Variants in GRIN2D observed in about 807,000 individuals in gnomAD.
GRIN2D encodes the protein glutamate ionotropic receptor NMDA type subunit 2D.
Under a neutral mutation model 103.2 loss-of-function variants are expected in GRIN2D, and 37 were observed. That is an observed-to-expected ratio of 0.36 (90% CI 0.28 to 0.47). GRIN2D has a LOEUF of 0.47. Among genes scored for constraint, GRIN2D ranks in the 20% least tolerant of loss-of-function variants. GRIN2D has a pLI of 1.00. For synonymous variants in GRIN2D, 845 were observed against 885.6 expected (o/e 0.95, Z 0.81); for missense variants, 1,557 against 1,910.6 (o/e 0.81, Z 3.45).
intron 3 of GRIN2D, among the ~76,000 whole-genome samples, chr19:48,402,168 G>GAAAGAAAGAAAGAA (rs754486729): frequency 6.9e-6 from 1 of 145,908 alleles, no homozygotes; most frequent in South Asian, 2.2e-4. Flanking sequence ...AAGAAAGAAA[G>GAAAGAAAGAAAGAA]AGAGAAAAGA....
chr19:48,438,362 G>A (rs914109483), intron 11 of GRIN2D, among the ~76,000 whole-genome samples: 20 of 129,156 alleles, frequency 1.5e-4, no homozygotes, highest in African/African-American at 4.1e-4. Context: ...GTAGTGGTGC[G>A]ATCTCGGCTC....
intron 11 of GRIN2D, among the ~76,000 whole-genome samples, chr19:48,423,982 C>T (rs1162146168): frequency 1.3e-5 from 2 of 152,058 alleles, no homozygotes; most frequent in African/African-American, 2.4e-5. Context: ...CTATGCCTGG[C>T]TAATTTTTGT....
intron 4 of GRIN2D, among the ~76,000 whole-genome samples, chr19:48,412,284 G>A (rs1180390978): frequency 4.0e-5 from 6 of 150,450 alleles, no homozygotes; most frequent in South Asian, 2.1e-4. Context: ...AGCCAAGATC[G>A]CACCACTACA....
chr19:48,416,417 C>T (rs959571049), intron 8 of GRIN2D, among the ~76,000 whole-genome samples: 2 of 152,178 alleles, frequency 1.3e-5, no homozygotes, highest in African/African-American at 4.8e-5. Context: ...CTGCAGCTTC[C>T]AAGCCCTGCA....
intron 11 of GRIN2D, among the ~76,000 whole-genome samples, chr19:48,441,362 CAAAAAAAAAAA>C (rs1173219939): frequency 1.6e-5 from 2 of 127,328 alleles, no homozygotes; most frequent in Non-Finnish European, 3.2e-5. Flanking sequence ...GACTCTGTCT[CAAAAAAAAAAA>C]AAAAAAAAAA....
intron 8 of GRIN2D, among the ~76,000 whole-genome samples, chr19:48,417,074 G>A (rs1360269967): frequency 1.3e-5 from 2 of 151,946 alleles, no homozygotes; most frequent in African/African-American, 4.8e-5. Context: ...GATGGTGTGG[G>A]GATATATAAT....
At chr19:48,399,405 T>C (rs969208072) in intron 3 of GRIN2D, among the ~76,000 whole-genome samples, 1 of 152,062 alleles carries the variant, frequency 6.6e-6, no homozygotes, top group Non-Finnish European at 1.5e-5. Context: ...CCGTCTCTAC[T>C]AAATATACAA....
intron 11 of GRIN2D, 64 bp from the exon 12 acceptor site, chr19:48,441,705 C>T (rs894101809): frequency 7.2e-7 from 1 of 1,398,556 alleles, no homozygotes; most frequent in African/African-American, 1.4e-5. Flanking sequence ...TGAGGAGGTT[C>T]CAGGCCTGGC....
chr19:48,415,555 A>C (rs1352939657), intron 7 of GRIN2D, among the ~76,000 whole-genome samples: 1 of 93,174 alleles, frequency 1.1e-5, no homozygotes, highest in South Asian at 4.0e-4. Flanking sequence ...AGGCGGGGCT[A>C]GGAGGGTGGG....
chr19:48,421,822 T>C lies in GRIN2D; in HGVS notation c.2129T>C (p.Phe710Ser). 1 of 1,614,046 alleles carries C rather than the reference T, an allele frequency of 6.2e-7. No homozygotes were observed. Among genetic ancestry groups the C allele is most frequent in the Non-Finnish European group, 8.5e-7 (1 of 1,179,972 alleles). ...CAGGAGCAGTACCCGCCCCTGAAGT[T>C]TGGGACCGTGCCCAACGGCTCCACG... ...RPQEQYPPLK[F>S]GTVPNGSTEK... is the part of the protein sequence containing the mutation. Residue 710 changes from phenylalanine (F) to serine (S), a missense_variant, in exon 11 of 14, where the codon TTT becomes TCT. Coordinates refer to ENST00000263269, the MANE Select transcript of GRIN2D (RefSeq NM_000836.4). The surrounding 1 kb of genome is among the most constrained non-coding windows in gnomAD (Gnocchi z 4.8).
chr19:48,428,760 C>A (rs1417528517), intron 11 of GRIN2D, among the ~76,000 whole-genome samples: 1 of 152,094 alleles, frequency 6.6e-6, no homozygotes, highest in Admixed American at 6.6e-5. Flanking sequence ...GCCCTATATA[C>A]AAATAAGGTC....
intron 11 of GRIN2D, 107 bp downstream of exon 11, chr19:48,422,052 C>T: frequency 2.6e-6 from 3 of 1,135,420 alleles, no homozygotes; most frequent in Non-Finnish European, 3.8e-6. Flanking sequence ...AGAGGTCAGC[C>T]CTGGGTGGGT....
chr19:48,414,454 G>A lies in GRIN2D; in HGVS notation c.1282G>A (p.Asp428Asn), dbSNP rs1970916901. 1.2e-6 allele frequency: 2 copies of A among 1,608,110 alleles called. No individual in the cohort carries two copies. Among genetic ancestry groups the A allele is most frequent in the Non-Finnish European group, 1.7e-6 (2 of 1,177,414 alleles). The change falls in exon 6 of 14, where the codon GAC (aspartate) becomes AAC (asparagine). Residue 428 changes from aspartate (D) to asparagine (N), a missense_variant. By Grantham distance (23) the Asp-to-Asn change is conservative. Transcript: ENST00000263269. This position sits in a 1 kb window ranked among gnomAD's most constrained non-coding sequence, Gnocchi z 4.6. ...TGGTCGCTTCCTGCAGCCAGTGGAC[G>A]ACACGCAGCACCTCACGGTGGCCAC... ...RYGRFLQPVD[D>N]TQHLTVATLE...
rs560919903 is a variant in GRIN2D at position 48,401,640 on chromosome 19, G to A, written c.465+2783G>A. On this transcript the variant is annotated intron_variant, in intron 3 of 13. Coordinates refer to ENST00000263269, the MANE Select transcript of GRIN2D (RefSeq NM_000836.4). ...CAGGAGATGAGGTCAGAGAAGCAACGGGGGCCAGTTCACGCAGGGCCTTGG... is the reference window on the plus strand; with the variant it reads ...CAGGAGATGAGGTCAGAGAAGCAACAGGGGCCAGTTCACGCAGGGCCTTGG... Among the ~76,000 whole-genome samples, 4 of 152,358 alleles carry A rather than the reference G, an allele frequency of 2.6e-5. No homozygotes were observed. The South Asian group carries it at 6.2e-4, about 24-fold the overall frequency.
chr19:48,428,358 C>T (rs1188679335), intron 11 of GRIN2D, among the ~76,000 whole-genome samples: 2 of 147,198 alleles, frequency 1.4e-5, no homozygotes, highest in South Asian at 2.2e-4. Context: ...TCCCCCTCCC[C>T]GCTTTTTTTT....
At chr19:48,408,926 G>A (rs902999992) in intron 4 of GRIN2D, among the ~76,000 whole-genome samples, 1 of 152,144 alleles carries the variant, frequency 6.6e-6, no homozygotes, top group African/African-American at 2.4e-5. Flanking sequence ...AGGCTCTGGG[G>A]CTGGAACTGC....
At chr19:48,435,729 G>A (rs971945976) in intron 11 of GRIN2D, among the ~76,000 whole-genome samples, 2 of 152,182 alleles carry the variant, frequency 1.3e-5, no homozygotes, top group African/African-American at 2.4e-5. Flanking sequence ...TTAGAAGCAT[G>A]AGCCACCACA....
At chr19:48,409,337 G>A (rs1465099302) in intron 4 of GRIN2D, among the ~76,000 whole-genome samples, 1 of 139,722 alleles carries the variant, frequency 7.2e-6, no homozygotes, top group Non-Finnish European at 1.5e-5. Flanking sequence ...GGAGTGCAGT[G>A]ATGTGATCTT....
intron 11 of GRIN2D, 85 bp from the exon 12 acceptor site, chr19:48,441,684 G>T (rs1971293300): frequency 2.8e-6 from 3 of 1,068,950 alleles, no homozygotes; most frequent in South Asian, 1.5e-5. Flanking sequence ...GGAGCAGTTG[G>T]AGGTTACAGG....
Sources: gnomAD v4.1 joint callset for allele counts (sites outside exome capture counted in the v4.1 genomes callset) on GRCh38, gnomAD v4.1.1 for gene constraint, Gnocchi (gnomAD v3.1) non-coding constraint, MANE v1.5 for transcripts, NCBI Gene and HGNC (gene_info 2026-07-23, HGNC 2026-07-21) for gene names.